TF: variants seen among roughly 807,000 people sequenced by gnomAD.
TF encodes the protein serotransferrin.
A neutral mutation model predicts 82.4 loss-of-function variants in TF; 55 were observed. That is an observed-to-expected ratio of 0.67 (90% CI 0.54 to 0.84). The LOEUF (loss-of-function observed/expected upper bound fraction) is 0.84. Ranked by LOEUF, TF falls within the 40% of genes least tolerant of loss-of-function variation. The probability of loss-of-function intolerance (pLI) is 0.00; values close to 1 mark genes in which losing one functional copy is unlikely to be tolerated. For missense variants in TF, 737 were observed against 868.4 expected (o/e 0.85, Z 1.90); for synonymous variants, 332 against 332.6 (o/e 1.00, Z 0.02).
At chr3:133,746,024 G>C (rs1933486731), upstream of TF, 1 of 298,124 alleles carries the variant, frequency 3.4e-6, no homozygotes, top group African/African-American at 2.2e-5. Context: ...CTCCAGCCTC[G>C]GAGTCTTCCT....
At chr3:133,682,917 T>A in the TF span, among the ~76,000 whole-genome samples, 1 of 151,896 alleles carries the variant, frequency 6.6e-6, no homozygotes, top group Non-Finnish European at 1.5e-5. Flanking sequence ...AGATTCAAGT[T>A]GAAATGAGGG....
At position 133,780,592 on chromosome 3, in the gene TF, G is replaced by A. The variant is rs1215035027; in HGVS notation, c.*1972G>A. ...TGATTACTATCTATCTTATTTTACA[G>A]TGTTTTAGAACAGGTGGCCAATCCA... On this transcript the variant is annotated 3_prime_UTR_variant, in exon 17 of 17. Transcript: ENST00000402696. 6.6e-6 allele frequency: 1 copy of A among 152,170 alleles called. No homozygotes were observed. Among genetic ancestry groups the A allele is most frequent in the Non-Finnish European group, 1.5e-5 (1 of 68,036 alleles). 9.4% of individuals were successfully genotyped at this position (152,170 alleles called of 1,614,324 possible).
the TF span, among the ~76,000 whole-genome samples, chr3:133,731,425 T>C: frequency 2.0e-5 from 3 of 152,256 alleles, no homozygotes; most frequent in African/African-American, 7.2e-5. Context: ...TCCATCTTGC[T>C]GGACAGCCTA....
the TF span, among the ~76,000 whole-genome samples, chr3:133,718,068 G>C: frequency 2.0e-5 from 3 of 152,044 alleles, no homozygotes; most frequent in African/African-American, 7.2e-5. Flanking sequence ...GATGGGCAAG[G>C]GTCCAGGAGA....
At chr3:133,771,763 AAAAG>A (rs1934266018) in intron 14 of TF, among the ~76,000 whole-genome samples, 1 of 150,102 alleles carries the variant, frequency 6.7e-6, no homozygotes, top group Non-Finnish European at 1.5e-5. Flanking sequence ...AAAAAAAAAA[AAAAG>A]AATCAATGGG....
the TF span, among the ~76,000 whole-genome samples, chr3:133,697,514 C>T: frequency 6.6e-6 from 1 of 152,282 alleles, no homozygotes; most frequent in East Asian, 1.9e-4. Context: ...CAGATTGTCC[C>T]AGACCATCTT....
chr3:133,684,662 T>G, the TF span, among the ~76,000 whole-genome samples: 258 of 152,252 alleles, frequency 1.7e-3, 2 homozygotes, highest in African/African-American at 5.9e-3. Context: ...AGGAAGAAGT[T>G]GAATCCCTGA....
the TF span, among the ~76,000 whole-genome samples, chr3:133,689,778 C>A: frequency 6.6e-6 from 1 of 152,102 alleles, no homozygotes; most frequent in Non-Finnish European, 1.5e-5. Flanking sequence ...GATATAGATG[C>A]AAACTGTGAT....
chr3:133,714,837 C>T, the TF span, among the ~76,000 whole-genome samples: 1 of 152,096 alleles, frequency 6.6e-6, no homozygotes, highest in African/African-American at 2.4e-5. Context: ...TGCCCACCAC[C>T]ACACCCAGCT....
chr3:133,771,489 G>A (rs1934254143), intron 14 of TF, among the ~76,000 whole-genome samples: 1 of 152,078 alleles, frequency 6.6e-6, no homozygotes, highest in South Asian at 2.1e-4. Context: ...TGTAATCCCA[G>A]AACTTTGGGA....
chr3:133,696,114 A>G, the TF span, among the ~76,000 whole-genome samples: 5 of 152,146 alleles, frequency 3.3e-5, no homozygotes, highest in African/African-American at 1.2e-4. Flanking sequence ...AACTTTTATT[A>G]CAGCATATTG....
the TF span, among the ~76,000 whole-genome samples, chr3:133,668,065 C>G: frequency 2.6e-5 from 4 of 152,334 alleles, no homozygotes; most frequent in Non-Finnish European, 5.9e-5. Context: ...AAAAATGTCT[C>G]AAGTATGTTC....
the TF span, among the ~76,000 whole-genome samples, chr3:133,723,663 T>TATTATG: frequency 3.4e-5 from 5 of 148,092 alleles, no homozygotes; most frequent in South Asian, 1.1e-3. Flanking sequence ...TTATTATTAT[T>TATTATG]ATTATTATTA....
chr3:133,736,303 A>G, the TF span, among the ~76,000 whole-genome samples: 1 of 152,228 alleles, frequency 6.6e-6, no homozygotes, highest in Non-Finnish European at 1.5e-5. Context: ...TTATAGAGGA[A>G]GCACTAAATA....
In TF at chr3:133,795,092, A is replaced by G. The variant is rs1288180899; in HGVS notation, c.*16472A>G. 2.0e-5 allele frequency: 3 copies of G among 152,226 alleles called. No individual in the cohort carries two copies. The highest frequency in any genetic ancestry group is 2.1e-4 in the South Asian group (1 of 4,830). The allele number at this position is 152,226 out of a possible 1,614,324, so 9.4% of individuals were successfully genotyped here. A position where few individuals can be genotyped will look rare whatever the true frequency, so the allele number is the denominator to read the frequency against. ...AATAATAGAGTTGGCTAAACAGAAG[A>G]GTATCTGTGCAGCTGCTGGCACTCA... On this transcript the variant is annotated 3_prime_UTR_variant, in exon 17 of 17. Coordinates refer to ENST00000402696, the MANE Select transcript of TF (RefSeq NM_001063.4).
chr3:133,778,709 G>A lies in TF; in HGVS notation c.*89G>A. The A allele has an allele frequency of 7.1e-7, 1 of 1,403,646 alleles. No individual in the cohort carries two copies. The highest frequency in any genetic ancestry group is 1.0e-6 in the Non-Finnish European group (1 of 997,942). The allele number at this position is 1,403,646 out of a possible 1,614,324, so 86.9% of individuals were successfully genotyped here. A position where few individuals can be genotyped will look rare whatever the true frequency, so the allele number is the denominator to read the frequency against. On this transcript the variant is annotated 3_prime_UTR_variant, in exon 17 of 17. Coordinates refer to ENST00000402696, the MANE Select transcript of TF (RefSeq NM_001063.4). ...CTGGTTTCACTGGCCCAAGTGGTTT[G>A]TGCTAACCACGTCTGTCTTCACAGC...
the TF span, among the ~76,000 whole-genome samples, chr3:133,739,283 C>T: frequency 6.6e-6 from 1 of 152,068 alleles, no homozygotes; most frequent in Non-Finnish European, 1.5e-5. Context: ...TGAAACTGGA[C>T]CCCTTCCTTA....
At chr3:133,749,389 T>A (rs1933600590) in intron 2 of TF, among the ~76,000 whole-genome samples, 2 of 152,180 alleles carry the variant, frequency 1.3e-5, no homozygotes, top group Non-Finnish European at 2.9e-5. Flanking sequence ...TGCTGGGCAA[T>A]GGGGCTGCAG....
At chr3:133,732,053 G>T in the TF span, among the ~76,000 whole-genome samples, 1 of 152,176 alleles carries the variant, frequency 6.6e-6, no homozygotes, top group South Asian at 2.1e-4. Context: ...GATGTAGTGG[G>T]ACCTGAGGGG....
Sources: allele counts gnomAD v4.1 joint callset (sites outside exome capture counted in the v4.1 genomes callset), GRCh38; gene constraint gnomAD v4.1.1; transcripts MANE v1.5; gene names NCBI Gene and HGNC (gene_info 2026-07-23, HGNC 2026-07-21).